Variants in GPC6 observed in about 807,000 individuals in gnomAD.
GPC6 encodes glypican 6.
A neutral mutation model predicts 55.2 loss-of-function variants in GPC6; 14 were observed. The ratio of observed to expected loss-of-function variants is 0.25; its 90% confidence interval spans 0.17 to 0.40. The LOEUF is 0.40. Ranked by LOEUF, GPC6 falls within the 10% of genes least tolerant of loss-of-function variation. The probability of loss-of-function intolerance (pLI) is 1.00; values close to 1 mark genes in which losing one functional copy is unlikely to be tolerated. For missense variants in GPC6, 641 were observed against 708.5 expected, an observed-to-expected ratio of 0.90 and a Z score of 1.08; for synonymous variants, 278 against 259.6, an observed-to-expected ratio of 1.07 and a Z score of -0.68.
chr13:94,110,945 C>G (rs968870623), intron 4 of GPC6, among the ~76,000 whole-genome samples: 1 of 152,048 alleles, frequency 6.6e-6, no homozygotes, highest in Admixed American at 6.6e-5. Context: ...CTGACTTGTT[C>G]TCTGGAGCAG....
chr13:93,410,485 G>T (rs1008197231), intron 1 of GPC6, among the ~76,000 whole-genome samples: 2 of 152,142 alleles, frequency 1.3e-5, no homozygotes, highest in Non-Finnish European at 2.9e-5. Context: ...CTGCCTGAAA[G>T]AATATAGGTC....
chr13:93,328,772 A>G (rs1256973490), intron 1 of GPC6, among the ~76,000 whole-genome samples: 1 of 152,244 alleles, frequency 6.6e-6, no homozygotes, highest in East Asian at 1.9e-4. Flanking sequence ...TATGGCAAAA[A>G]TGAGATGTTT....
chr13:94,220,618 T>C (rs1180253358), intron 4 of GPC6, among the ~76,000 whole-genome samples: 1 of 152,038 alleles, frequency 6.6e-6, no homozygotes, highest in Non-Finnish European at 1.5e-5. Flanking sequence ...TCCTGGAAAC[T>C]AGAAGTTCAA....
chr13:93,626,607 G>A (rs997259158), intron 2 of GPC6, among the ~76,000 whole-genome samples: 1 of 152,072 alleles, frequency 6.6e-6, no homozygotes, highest in African/African-American at 2.4e-5. Context: ...TTCGAGACCA[G>A]CCTGGCCAAT....
At chr13:93,223,286 T>C (rs557180294), upstream of GPC6, among the ~76,000 whole-genome samples, 141 of 152,226 alleles carry the variant, frequency 9.3e-4, no homozygotes, top group Middle Eastern at 3.4e-3. Context: ...CAACTGAAAG[T>C]CTCTGAGGTT....
chr13:93,965,619 C>T (rs1880006272), intron 3 of GPC6, among the ~76,000 whole-genome samples: 1 of 151,998 alleles, frequency 6.6e-6, no homozygotes, highest in Non-Finnish European at 1.5e-5. Flanking sequence ...ACTTGGTCAC[C>T]AAGAGGTAAA....
intron 4 of GPC6, among the ~76,000 whole-genome samples, chr13:94,265,050 A>G (rs1003275759): frequency 2.0e-5 from 3 of 152,158 alleles, no homozygotes; most frequent in Non-Finnish European, 4.4e-5. Flanking sequence ...GGGAGCTACA[A>G]CTCAAGATGA....
intron 2 of GPC6, among the ~76,000 whole-genome samples, chr13:93,722,835 G>A (rs375881885): frequency 2.6e-5 from 4 of 151,722 alleles, no homozygotes; most frequent in Admixed American, 6.6e-5. Context: ...TAGACACATC[G>A]CTCCAATCTC....
intron 3 of GPC6, among the ~76,000 whole-genome samples, chr13:93,876,537 A>C (rs934360795): frequency 3.3e-4 from 50 of 152,032 alleles, no homozygotes; most frequent in African/African-American, 1.1e-3. Flanking sequence ...GTTGCCTAAA[A>C]ATGAGAGTTT....
chr13:94,356,047 G>A (rs1878776560), intron 6 of GPC6, among the ~76,000 whole-genome samples: 1 of 152,070 alleles, frequency 6.6e-6, no homozygotes, highest in Non-Finnish European at 1.5e-5. Flanking sequence ...TTCTGTTCCT[G>A]TGTTAGCTCC....
At chr13:93,906,444 G>A (rs532501246) in intron 3 of GPC6, among the ~76,000 whole-genome samples, 1 of 152,130 alleles carries the variant, frequency 6.6e-6, no homozygotes, top group Non-Finnish European at 1.5e-5. Flanking sequence ...GTCTTACAAA[G>A]AGTCATTCAT....
intron 2 of GPC6, among the ~76,000 whole-genome samples, chr13:93,558,859 G>A (rs889761894): frequency 2.0e-5 from 3 of 152,254 alleles, no homozygotes; most frequent in South Asian, 2.1e-4. Flanking sequence ...AAGTGGTTCC[G>A]TATATCCTTT....
intron 3 of GPC6, among the ~76,000 whole-genome samples, chr13:93,934,560 A>T (rs769401636): frequency 6.6e-6 from 1 of 152,162 alleles, no homozygotes; most frequent in African/African-American, 2.4e-5. Context: ...AAAGATTTTC[A>T]TCGCTGCAAC....
At chr13:93,615,841 C>G (rs1277876313) in intron 2 of GPC6, among the ~76,000 whole-genome samples, 1 of 152,046 alleles carries the variant, frequency 6.6e-6, no homozygotes, top group African/African-American at 2.4e-5. Flanking sequence ...CTAAAACTCT[C>G]TGAAAATACT....
intron 6 of GPC6, among the ~76,000 whole-genome samples, chr13:94,376,493 G>C (rs1879861984): frequency 6.6e-6 from 1 of 151,920 alleles, no homozygotes. Flanking sequence ...AACTTACAAG[G>C]GATATGAAGG....
chr13:94,343,488 A>T (rs1200282198), intron 6 of GPC6, among the ~76,000 whole-genome samples: 2 of 152,206 alleles, frequency 1.3e-5, no homozygotes, highest in Non-Finnish European at 2.9e-5. Context: ...AACTGAGTGC[A>T]TAAGACTCAT....
intron 3 of GPC6, among the ~76,000 whole-genome samples, chr13:93,935,908 T>G (rs1878414220): frequency 6.6e-6 from 1 of 152,206 alleles, no homozygotes; most frequent in Non-Finnish European, 1.5e-5. Flanking sequence ...ATGCAGAATC[T>G]CTGTGCCCAG....
chr13:93,390,746 C>A (rs1875595511), intron 1 of GPC6, among the ~76,000 whole-genome samples: 1 of 151,518 alleles, frequency 6.6e-6, no homozygotes, highest in Non-Finnish European at 1.5e-5. Context: ...TTAAAAATAG[C>A]CTTTTGTCAG....
At chr13:93,670,629 G>A (rs888826817) in intron 2 of GPC6, among the ~76,000 whole-genome samples, 11 of 152,108 alleles carry the variant, frequency 7.2e-5, no homozygotes, top group Non-Finnish European at 1.6e-4. Context: ...ATAATAATCA[G>A]TATGAAAGCA....
Sources: gnomAD v4.1 joint callset for allele counts (sites outside exome capture counted in the v4.1 genomes callset) on GRCh38, gnomAD v4.1.1 for gene constraint, MANE v1.5 for transcripts, NCBI Gene and HGNC (gene_info 2026-07-23, HGNC 2026-07-21) for gene names.